The following KIAA0825 variants were observed in gnomAD, a reference collection of about 807,000 sequenced individuals.
KIAA0825 encodes KIAA0825.
Under a neutral mutation model 147.6 loss-of-function variants are expected in KIAA0825, and 119 were observed. That is an observed-to-expected ratio of 0.81 (90% CI 0.69 to 0.94). KIAA0825 has a LOEUF of 0.94. Among genes scored for constraint, KIAA0825 ranks in the 40% least tolerant of loss-of-function variants. The probability of loss-of-function intolerance (pLI) is 0.00; values close to 1 mark genes in which losing one functional copy is unlikely to be tolerated. For missense variants in KIAA0825, 1,381 were observed against 1,472.7 expected (o/e 0.94, Z 1.02); for synonymous variants, 470 against 518.1 (o/e 0.91, Z 1.26).
intron 5 of KIAA0825, among the ~76,000 whole-genome samples, chr5:94,493,057 A>C (rs1437230314): frequency 2.6e-5 from 4 of 152,202 alleles, no homozygotes; most frequent in Non-Finnish European, 5.9e-5. Flanking sequence ...ATATAATTCC[A>C]AGAGGTTCTC....
chr5:94,247,576 A>G (rs986627044), intron 20 of KIAA0825, among the ~76,000 whole-genome samples: 1 of 152,068 alleles, frequency 6.6e-6, no homozygotes, highest in Non-Finnish European at 1.5e-5. Flanking sequence ...CCTTGCCCTG[A>G]GCTTTTATAA....
chr5:94,164,646 C>T (rs1162209454), intron 20 of KIAA0825, among the ~76,000 whole-genome samples: 8 of 152,020 alleles, frequency 5.3e-5, no homozygotes, highest in Admixed American at 2.6e-4. Context: ...CTCCTGACCT[C>T]GTGATCTGCC....
At chr5:94,584,235 C>T (rs1782808726) in intron 1 of KIAA0825, among the ~76,000 whole-genome samples, 1 of 152,142 alleles carries the variant, frequency 6.6e-6, no homozygotes. Flanking sequence ...TAATAACAAA[C>T]TTCTCCGAGC....
At position 94,484,762 on chromosome 5, in the gene KIAA0825, A is replaced by G. The variant is rs1379992058; in HGVS notation, c.1132+7T>C. The G allele has an allele frequency of 6.8e-7, 1 of 1,461,794 alleles. No homozygotes were observed. The highest frequency in any genetic ancestry group is 9.2e-7 in the Non-Finnish European group (1 of 1,089,694). The allele number at this position is 1,461,794 out of a possible 1,614,324, so 90.6% of individuals were successfully genotyped here. ...GATTTACAAATTTAAACAAAAGAGG[A>G]TATTACCTGAAGTATCCCTGGTTAT... On this transcript the variant is annotated splice_region_variant and intron_variant, in intron 6 of 20. Coordinates refer to ENST00000682413, the MANE Select transcript of KIAA0825 (RefSeq NM_001145678.3).
At chr5:94,323,727 C>A (rs1780423593) in intron 20 of KIAA0825, among the ~76,000 whole-genome samples, 1 of 151,764 alleles carries the variant, frequency 6.6e-6, no homozygotes. Context: ...TGTCTAATGG[C>A]ATCCTACACC....
chr5:94,429,900 G>A (rs1028737523), intron 14 of KIAA0825, among the ~76,000 whole-genome samples: 2 of 152,204 alleles, frequency 1.3e-5, no homozygotes, highest in African/African-American at 4.8e-5. Flanking sequence ...CCAGATGCCT[G>A]GAGCTCTGCC....
intron 20 of KIAA0825, among the ~76,000 whole-genome samples, chr5:94,183,277 G>T (rs570391317): frequency 1.3e-5 from 2 of 152,288 alleles, no homozygotes; most frequent in African/African-American, 4.8e-5. Context: ...TATGAATTTT[G>T]TGACATAAGA....
intron 20 of KIAA0825, among the ~76,000 whole-genome samples, chr5:94,347,603 A>T (rs993496715): frequency 2.6e-5 from 4 of 152,226 alleles, no homozygotes; most frequent in African/African-American, 9.7e-5. Context: ...GAAAAGGGAG[A>T]GAGTACTACA....
At chr5:94,557,667 A>C (rs1464972594) in intron 2 of KIAA0825, among the ~76,000 whole-genome samples, 2 of 152,142 alleles carry the variant, frequency 1.3e-5, no homozygotes, top group East Asian at 1.9e-4. Flanking sequence ...CTGAAATGCT[A>C]ATTAGGCAAA....
At chr5:94,521,622 C>G (rs888208384) in intron 4 of KIAA0825, among the ~76,000 whole-genome samples, 1 of 151,524 alleles carries the variant, frequency 6.6e-6, no homozygotes, top group Non-Finnish European at 1.5e-5. Context: ...GAATTATTCC[C>G]CAAAAGATGA....
intron 2 of KIAA0825, chr5:94,567,408 A>T (rs1044524443): frequency 6.6e-6 from 1 of 152,232 alleles, no homozygotes; most frequent in Non-Finnish European, 1.5e-5. Flanking sequence ...GTTGATTTAC[A>T]AAGTCTCAGA....
rs1333186504 is a variant in KIAA0825, at chr5:94,151,373, C to T, written c.*2634G>A. Among the ~76,000 whole-genome samples the T allele has an allele frequency of 1.1e-4, 16 of 140,924 alleles. No individual in the cohort carries two copies. The highest frequency in any genetic ancestry group is 9.1e-4 in the South Asian group (4 of 4,394). 92.5% of individuals were successfully genotyped at this position (140,924 alleles called of 152,430 possible). ...CGGAGCTTGCAGTGAGCCGAGATTGCGCCACTGCAGTCCGCAGTCCGGCCT... is the reference window on the plus strand; with the variant it reads ...CGGAGCTTGCAGTGAGCCGAGATTGTGCCACTGCAGTCCGCAGTCCGGCCT... On this transcript the variant is annotated 3_prime_UTR_variant, in exon 21 of 21. Transcript: ENST00000682413.
At chr5:94,293,065 C>T (rs1487507791) in intron 20 of KIAA0825, among the ~76,000 whole-genome samples, 1 of 150,800 alleles carries the variant, frequency 6.6e-6, no homozygotes, top group East Asian at 1.9e-4. Context: ...AAAAACAGCT[C>T]CTGGATTCAT....
chr5:94,477,107 T>G lies in KIAA0825; in HGVS notation c.1227+4A>C, dbSNP rs773858417. ...TATAAAACACTTCTTTTTCCTTCAC[T>G]TACCTCTTTTCCTGGTAGTGATTGC... On this transcript the variant is annotated splice_donor_region_variant and intron_variant, in intron 7 of 20. Transcript: ENST00000682413. 2 of 1,547,598 alleles carry G rather than the reference T, an allele frequency of 1.3e-6. No individual in the cohort carries two copies. The highest frequency in any genetic ancestry group is 2.7e-5 in the African/African-American group (2 of 72,830).
chr5:94,539,791 A>C (rs1044876887), intron 2 of KIAA0825, among the ~76,000 whole-genome samples: 6 of 152,018 alleles, frequency 3.9e-5, no homozygotes, highest in African/African-American at 1.4e-4. Flanking sequence ...GGTTCCTTAT[A>C]AGATTTAGGG....
At chr5:94,304,962 A>G (rs1308037979) in intron 20 of KIAA0825, among the ~76,000 whole-genome samples, 1 of 152,008 alleles carries the variant, frequency 6.6e-6, no homozygotes, top group Non-Finnish European at 1.5e-5. Context: ...ATAACTGACC[A>G]AATTACCTGT....
chr5:94,397,633 G>A (rs1457409214), intron 16 of KIAA0825, among the ~76,000 whole-genome samples: 1 of 152,058 alleles, frequency 6.6e-6, no homozygotes, highest in African/African-American at 2.4e-5. Flanking sequence ...TTTGTTGTGA[G>A]GAGCTCTTCT....
At chr5:94,344,888 T>C (rs867624516) in intron 20 of KIAA0825, among the ~76,000 whole-genome samples, 3 of 152,018 alleles carry the variant, frequency 2.0e-5, no homozygotes, top group African/African-American at 2.4e-5. Context: ...GAAAATAGCA[T>C]GGTGGTTGCT....
intron 19 of KIAA0825, 123 bp from the exon 20 acceptor site, chr5:94,384,581 TAGAC>T (rs1562442715): frequency 5.9e-6 from 4 of 678,120 alleles, no homozygotes; most frequent in Admixed American, 2.6e-5. Context: ...AACAAGGACT[TAGAC>T]AGATAACATC....
Sources: allele counts gnomAD v4.1 joint callset (sites outside exome capture counted in the v4.1 genomes callset), GRCh38; gene constraint gnomAD v4.1.1; transcripts MANE v1.5; gene names NCBI Gene and HGNC (gene_info 2026-07-23, HGNC 2026-07-21).